MLLT10: variants seen among roughly 807,000 people sequenced by gnomAD.
MLLT10 encodes protein AF-10.
Under a neutral mutation model 129.1 loss-of-function variants are expected in MLLT10, and 30 were observed. The ratio of observed to expected loss-of-function variants is 0.23; its 90% CI spans 0.17 to 0.32. The LOEUF is 0.32. Among genes scored for constraint, MLLT10 ranks in the 10% least tolerant of loss-of-function variants. MLLT10 has a pLI of 1.00. For synonymous variants in MLLT10, 490 were observed against 446.4 expected (o/e 1.10, Z -1.23); for missense variants, 1,119 against 1,268.3 (o/e 0.88, Z 1.79).
chr10:21,581,341 C>T (rs1245482192), intron 3 of MLLT10, among the ~76,000 whole-genome samples: 3 of 152,056 alleles, frequency 2.0e-5, no homozygotes, highest in African/African-American at 7.2e-5. Flanking sequence ...CCACTGCGCC[C>T]AGCCATATTT....
chr10:21,581,236 A>G (rs2041418879), intron 3 of MLLT10, among the ~76,000 whole-genome samples: 1 of 151,144 alleles, frequency 6.6e-6, no homozygotes, highest in Non-Finnish European at 1.5e-5. Flanking sequence ...TTTAGTAGAG[A>G]CGGGGTTTCA....
intron 8 of MLLT10, among the ~76,000 whole-genome samples, chr10:21,634,665 G>T (rs972270210): frequency 6.6e-6 from 1 of 152,168 alleles, no homozygotes; most frequent in Non-Finnish European, 1.5e-5. Flanking sequence ...TTCTATCAAT[G>T]CTTCCATATT....
chr10:21,727,672 A>T (rs188507766), intron 15 of MLLT10, among the ~76,000 whole-genome samples, 184 bp from the exon 16 acceptor site: 5 of 152,362 alleles, frequency 3.3e-5, no homozygotes, highest in Admixed American at 1.3e-4. Context: ...GTGTAGGGAC[A>T]ACGCCTTACA....
At chr10:21,605,767 T>G (rs1241593535) in intron 5 of MLLT10, among the ~76,000 whole-genome samples, 5 of 152,174 alleles carry the variant, frequency 3.3e-5, no homozygotes, top group Non-Finnish European at 5.9e-5. Flanking sequence ...TTTTCTTGGG[T>G]TATTTTCTTA....
chr10:21,697,566 AAAG>A (rs2054500466), intron 13 of MLLT10, among the ~76,000 whole-genome samples: 1 of 152,262 alleles, frequency 6.6e-6, no homozygotes, highest in Admixed American at 6.5e-5. Context: ...GATCATGTCA[AAAG>A]AAGCAATACA....
intron 3 of MLLT10, among the ~76,000 whole-genome samples, chr10:21,566,308 T>C (rs370647214): frequency 1.3e-5 from 2 of 151,250 alleles, no homozygotes; most frequent in African/African-American, 2.4e-5. Context: ...TACATAGTTA[T>C]AGATGTTGTC....
At position 21,740,086 on chromosome 10, in the gene MLLT10, C is replaced by T. The variant is rs200797033; in HGVS notation, c.3012C>T (p.His1004=). Residue 1004 remains histidine, a synonymous_variant, in exon 22 of 23, where the codon CAC becomes CAT. Transcript: ENST00000307729. The part of the protein sequence containing the change: ...QLMQHHHQQH[H]QPELQQLQIP... ...TGCAACATCACCACCAGCAGCACCACCAACCTGAACTTCAGCAGCTGCAGA... is the reference window on the plus strand; with the variant it reads ...TGCAACATCACCACCAGCAGCACCATCAACCTGAACTTCAGCAGCTGCAGA... 1 of 1,614,072 alleles carries T rather than the reference C, an allele frequency of 6.2e-7. No individual in the cohort carries two copies. The highest frequency in any genetic ancestry group is 8.5e-7 in the Non-Finnish European group (1 of 1,180,006).
rs1334828075 is a variant in MLLT10, at chr10:21,743,501, GGTT to G, written c.*1522_*1524del. On this transcript the variant is annotated 3_prime_UTR_variant, in exon 23 of 23. Transcript: ENST00000307729. ...GTTTATTTTACTTATTTAACCCACT[GGTT>G]GTTATTCTGTAACAGTTTGTATAAA... 1 of 188,212 alleles carries G rather than the reference GGTT, an allele frequency of 5.3e-6. No homozygotes were observed. The highest frequency in any genetic ancestry group is 1.1e-5 in the Non-Finnish European group (1 of 89,284). The allele number at this position is 188,212 out of a possible 1,614,324, so 11.7% of individuals were successfully genotyped here. A position where few individuals can be genotyped will look rare whatever the true frequency, so the allele number is the denominator to read the frequency against.
chr10:21,646,507 T>A (rs2048491568), intron 8 of MLLT10, among the ~76,000 whole-genome samples: 1 of 152,094 alleles, frequency 6.6e-6, no homozygotes, highest in Non-Finnish European at 1.5e-5. Flanking sequence ...TGGTTATGTT[T>A]TTTTGGGGGG....
chr10:21,646,511 T>TG (rs869038970), intron 8 of MLLT10, among the ~76,000 whole-genome samples: 83 of 152,132 alleles, frequency 5.5e-4, no homozygotes, highest in Non-Finnish European at 1.1e-3. Flanking sequence ...TATGTTTTTT[T>TG]GGGGGGGTAG....
chr10:21,730,125 C>T (rs1356724860), intron 16 of MLLT10, among the ~76,000 whole-genome samples: 6 of 151,594 alleles, frequency 4.0e-5, no homozygotes, highest in East Asian at 1.9e-4. Context: ...CCCCCACCGC[C>T]GCCTCCCCGC....
At chr10:21,736,410 G>A (rs988450525) in intron 21 of MLLT10, among the ~76,000 whole-genome samples, 3 of 152,096 alleles carry the variant, frequency 2.0e-5, no homozygotes, top group East Asian at 1.9e-4. Context: ...TCAGCCTCCC[G>A]AGTAGCTGGG....
chr10:21,704,669 G>C (rs2055326074), intron 13 of MLLT10, among the ~76,000 whole-genome samples: 1 of 139,784 alleles, frequency 7.2e-6, no homozygotes, highest in Admixed American at 7.6e-5. Flanking sequence ...CTGTGCATCT[G>C]ATGTGATAAT....
At chr10:21,640,212 TTATATTA>T (rs199573101) in intron 8 of MLLT10, among the ~76,000 whole-genome samples, 4,039 of 144,102 alleles carry the variant, frequency 0.028, 91 homozygotes, top group Middle Eastern at 0.069. Flanking sequence ...ATATATTATA[TTATATTA>T]TATATTATAT....
At chr10:21,581,657 T>C (rs1180373985) in intron 3 of MLLT10, among the ~76,000 whole-genome samples, 1 of 152,210 alleles carries the variant, frequency 6.6e-6, no homozygotes, top group Non-Finnish European at 1.5e-5. Context: ...GAGTGAATTC[T>C]CTTGCGGTCT....
At chr10:21,659,399 G>C (rs768430525) in intron 9 of MLLT10, among the ~76,000 whole-genome samples, 7 of 151,996 alleles carry the variant, frequency 4.6e-5, no homozygotes, top group African/African-American at 9.7e-5. Flanking sequence ...CAGAAACCTA[G>C]GTTTGAGGCA....
intron 3 of MLLT10, among the ~76,000 whole-genome samples, chr10:21,574,930 T>G (rs1262924901): frequency 6.6e-6 from 1 of 152,092 alleles, no homozygotes; most frequent in Non-Finnish European, 1.5e-5. Flanking sequence ...GCCTCCTATC[T>G]CATTCTGTGA....
At chr10:21,585,868 TCTC>T (rs1564458316) in intron 3 of MLLT10, among the ~76,000 whole-genome samples, 1 of 152,106 alleles carries the variant, frequency 6.6e-6, no homozygotes, top group Non-Finnish European at 1.5e-5. Flanking sequence ...TTCAAGCAAT[TCTC>T]CTGCCTCAGC....
chr10:21,711,932 A>G (rs376188609), intron 13 of MLLT10, among the ~76,000 whole-genome samples: 2 of 152,172 alleles, frequency 1.3e-5, no homozygotes, highest in African/African-American at 2.4e-5. Flanking sequence ...CCTTTTTTCT[A>G]CGCAACTTCT....
Sources: gnomAD v4.1 joint callset for allele counts (sites outside exome capture counted in the v4.1 genomes callset) on GRCh38, gnomAD v4.1.1 for gene constraint, MANE v1.5 for transcripts, NCBI Gene and HGNC (gene_info 2026-07-23, HGNC 2026-07-21) for gene names.